Variants in PSPC1 observed in about 807,000 individuals in gnomAD.
PSPC1 encodes the protein paraspeckle protein 1.
PSPC1 carries 14 observed loss-of-function variants against 51.6 expected under a neutral mutation model. The ratio of observed to expected loss-of-function variants is 0.27; its 90% CI spans 0.18 to 0.42. PSPC1 has a LOEUF of 0.42. Ranked by LOEUF, PSPC1 falls within the 10% of genes least tolerant of loss-of-function variation. The pLI is 1.00. For synonymous variants in PSPC1, 193 were observed against 231.9 expected, an observed-to-expected ratio of 0.83 and a Z score of 1.53; for missense variants, 406 against 701.1, an observed-to-expected ratio of 0.58 and a Z score of 4.75.
downstream of PSPC1, chr13:19,672,990 A>C (rs768424354): frequency 1.7e-5 from 7 of 424,066 alleles, no homozygotes; most frequent in African/African-American, 1.0e-4. Flanking sequence ...AGGGAGGTCA[A>C]GGCTGCAGTG....
chr13:19,686,473 C>A (rs1332074267), intron 6 of PSPC1, among the ~76,000 whole-genome samples: 1 of 152,028 alleles, frequency 6.6e-6, no homozygotes, highest in African/African-American at 2.4e-5. Flanking sequence ...TTGAGAAATG[C>A]GGATGTATTA....
rs181888617 is a variant in PSPC1 at position 19,761,549 on chromosome 13, C to T, written c.675-2131G>A. On this transcript the variant is annotated intron_variant, in intron 2 of 8. Coordinates refer to ENST00000338910, the MANE Select transcript of PSPC1 (RefSeq NM_001354909.2). ...CAGAGATTAACACAGACTTTAGATC[C>T]TAAATGTAAGAAAAGATACAAAATA... is the stretch of plus-strand genomic sequence containing the variant. Among the ~76,000 whole-genome samples, 757 of 152,104 alleles carry T rather than the reference C, an allele frequency of 5.0e-3. 6 individuals are homozygous for T. Among genetic ancestry groups the T allele is most frequent in the Middle Eastern group, 0.024 (7 of 294 alleles).
At chr13:19,693,122 C>T (rs563918216) in intron 6 of PSPC1, among the ~76,000 whole-genome samples, 7 of 152,138 alleles carry the variant, frequency 4.6e-5, no homozygotes, top group South Asian at 2.1e-4. Flanking sequence ...TCCCCTTAGA[C>T]GGCTTAGTGC....
chr13:19,724,319 A>T (rs1883106282), intron 6 of PSPC1, among the ~76,000 whole-genome samples: 1 of 149,048 alleles, frequency 6.7e-6, no homozygotes, highest in Non-Finnish European at 1.5e-5. Flanking sequence ...AATTAATGGA[A>T]TTTTTTTTTT....
downstream of PSPC1, among the ~76,000 whole-genome samples, chr13:19,700,055 A>G (rs1386837248): frequency 6.6e-6 from 1 of 152,016 alleles, no homozygotes; most frequent in Non-Finnish European, 1.5e-5. Flanking sequence ...CCATAATATG[A>G]TCACATCCTT....
At chr13:19,706,338 T>A (rs1378235412) in intron 7 of PSPC1, among the ~76,000 whole-genome samples, 1 of 152,134 alleles carries the variant, frequency 6.6e-6, no homozygotes, top group Non-Finnish European at 1.5e-5. Context: ...CTTAGTTTTT[T>A]TTTTTTCCTC....
chr13:19,743,672 A>G (rs533371574), intron 4 of PSPC1, among the ~76,000 whole-genome samples: 6 of 152,344 alleles, frequency 3.9e-5, no homozygotes, highest in Admixed American at 1.3e-4. Context: ...CTGTTTTGGT[A>G]TATGAGACAG....
downstream of PSPC1, chr13:19,673,413 TGGTTTTGTCAATAAAA>T (rs1409173961): frequency 4.1e-6 from 1 of 242,342 alleles, no homozygotes; most frequent in Non-Finnish European, 8.2e-6. Context: ...CCTTTTCCTA[TGGTTTTGTCAATAAAA>T]CACTATGATG....
intron 1 of PSPC1, among the ~76,000 whole-genome samples, chr13:19,775,835 G>A (rs1396276389): frequency 6.6e-6 from 1 of 152,126 alleles, no homozygotes; most frequent in Non-Finnish European, 1.5e-5. Flanking sequence ...AGAATCACGA[G>A]GTCAGGAGAT....
At chr13:19,750,277 A>T (rs1886398866) in intron 4 of PSPC1, among the ~76,000 whole-genome samples, 1 of 152,030 alleles carries the variant, frequency 6.6e-6, no homozygotes, top group Admixed American at 6.6e-5. Context: ...GGTAAATACA[A>T]AAAAACTAGC....
In PSPC1 at chr13:19,702,501, T is replaced by A. The variant is rs1365390390; in HGVS notation, c.*674A>T. The A allele has an allele frequency of 1.3e-5, 2 of 152,182 alleles. No individual in the cohort carries two copies. The highest frequency in any genetic ancestry group is 4.8e-5 in the African/African-American group (2 of 41,460). The allele number at this position is 152,182 out of a possible 1,614,324, so 9.4% of individuals were successfully genotyped here. ...CAAAAGAGATTTGCCTTCAAACAGT[T>A]TTTTTCAAGATGAAAAAGATTTATT... On this transcript the variant is annotated 3_prime_UTR_variant, in exon 9 of 9. Coordinates refer to ENST00000338910, the MANE Select transcript of PSPC1 (RefSeq NM_001354909.2).
chr13:19,684,007 A>G (rs1157181311), intron 6 of PSPC1, among the ~76,000 whole-genome samples: 1 of 152,186 alleles, frequency 6.6e-6, no homozygotes, highest in Non-Finnish European at 1.5e-5. Flanking sequence ...CCAGACCTGA[A>G]AAATACCAAA....
intron 1 of PSPC1, among the ~76,000 whole-genome samples, chr13:19,777,200 C>T (rs144850562): frequency 0.031 from 4,615 of 148,226 alleles, 77 homozygotes; most frequent in Middle Eastern, 0.079. Flanking sequence ...GAGGCTGAGG[C>T]GGGTGGATCA....
chr13:19,734,379 T>C (rs1884506864), intron 5 of PSPC1, among the ~76,000 whole-genome samples: 1 of 152,244 alleles, frequency 6.6e-6, no homozygotes, highest in African/African-American at 2.4e-5. Context: ...CAAATATTCT[T>C]GCAGGATTCT....
chr13:19,723,928 G>A (rs1883066772), intron 6 of PSPC1, among the ~76,000 whole-genome samples: 1 of 152,176 alleles, frequency 6.6e-6, no homozygotes, highest in Non-Finnish European at 1.5e-5. Flanking sequence ...TCACCAACAT[G>A]TCCAAACCAC....
chr13:19,782,698 G>A lies in PSPC1; in HGVS notation c.60C>T (p.Arg20=). 2 of 1,571,910 alleles carry A rather than the reference G, an allele frequency of 1.3e-6. No homozygotes were observed. The highest frequency in any genetic ancestry group is 1.4e-5 in the African/African-American group (1 of 70,832). ...VRIEKNPARL[R]ALESAVGESE... ...TCTCGCCCACCGCGGACTCCAGGGC[G>A]CGAAGGCGGGCCGGGTTTTTCTCAA... The change falls in exon 1 of 9, where the codon CGC becomes CGT. Residue 20 remains arginine (R), a synonymous_variant. Coordinates refer to ENST00000338910, the MANE Select transcript of PSPC1 (RefSeq NM_001354909.2). The surrounding 1 kb of genome is among the most constrained non-coding windows in gnomAD (Gnocchi z 4.5).
intron 4 of PSPC1, among the ~76,000 whole-genome samples, chr13:19,745,809 T>C (rs1885915294): frequency 1.3e-5 from 2 of 151,910 alleles, no homozygotes; most frequent in African/African-American, 4.8e-5. Flanking sequence ...CCAATAGAGA[T>C]GGGGTTTCAC....
chr13:19,676,490 T>C (rs933933848), intron 7 of PSPC1, among the ~76,000 whole-genome samples: 8 of 152,084 alleles, frequency 5.3e-5, no homozygotes, highest in African/African-American at 1.9e-4. Context: ...TGAAAAGGTA[T>C]AATTTCTCAA....
At chr13:19,685,995 A>G (rs977224750) in intron 6 of PSPC1, among the ~76,000 whole-genome samples, 1 of 152,102 alleles carries the variant, frequency 6.6e-6, no homozygotes, top group South Asian at 2.1e-4. Context: ...CTCCTCTTAC[A>G]TATTTATCTG....
Sources: allele counts gnomAD v4.1 joint callset (sites outside exome capture counted in the v4.1 genomes callset), GRCh38; gene constraint gnomAD v4.1.1; non-coding constraint Gnocchi (gnomAD v3.1); transcripts MANE v1.5; gene names NCBI Gene and HGNC (gene_info 2026-07-23, HGNC 2026-07-21).